The following FAM174B variants were observed in gnomAD, a reference collection of about 807,000 sequenced individuals.
The protein encoded by FAM174B is family with sequence similarity 174 member B.
In FAM174B, 12 loss-of-function variants were observed where a neutral mutation model predicts 10.9. The ratio of observed to expected loss-of-function variants is 1.10; its 90% CI spans 0.71 to 1.79. The LOEUF (loss-of-function observed/expected upper bound fraction) is 1.79, where lower values mean the gene tolerates loss of function less well. Among genes scored for constraint, FAM174B ranks in the 40% most tolerant of loss-of-function variants. The pLI, the probability that FAM174B is intolerant of heterozygous loss-of-function variation, is 0.00. For synonymous variants in FAM174B, 132 were observed against 115.8 expected, an observed-to-expected ratio of 1.14 and a Z score of -0.90; for missense variants, 266 against 233.3, an observed-to-expected ratio of 1.14 and a Z score of -0.91.
In FAM174B at chr15:92,655,753, G is replaced by A. The variant is rs1231940715; in HGVS notation, c.-94C>T. 8 of 1,087,252 alleles carry A rather than the reference G, an allele frequency of 7.4e-6. No homozygotes were observed. The Admixed American group carries it at 1.8e-4, about 25-fold the overall frequency. The allele number at this position is 1,087,252 out of a possible 1,614,324, so 67.4% of individuals were successfully genotyped here. ...GAGGCCTGCACCGGGGGATCCTGCG[G>A]CGGAGGCGGCTGCGCGGTGCTTGGC... On this transcript the variant is annotated 5_prime_UTR_variant, in exon 1 of 3. Transcript: ENST00000327355.
rs1491461435 is a variant in FAM174B, at chr15:92,631,166, A to AC, written c.345-822_345-821insG. ...TTACATATTATATTATATATTATAT[A>AC]ATAATTTATATATTATATTATATAT... On this transcript the variant is annotated intron_variant, in intron 1 of 2. Coordinates refer to ENST00000327355, the MANE Select transcript of FAM174B (RefSeq NM_207446.3). 1.7e-4 allele frequency among the ~76,000 whole-genome samples: 3 copies of AC among 17,846 alleles called. 1 individual carries two copies. The highest frequency in any genetic ancestry group is 4.9e-3 in the South Asian group (2 of 408). The allele number at this position is 17,846 out of a possible 152,430, so 11.7% of individuals were successfully genotyped here.
At chr15:92,646,374 C>T (rs2050927648) in intron 1 of FAM174B, among the ~76,000 whole-genome samples, 1 of 152,326 alleles carries the variant, frequency 6.6e-6, no homozygotes, top group South Asian at 2.1e-4. Flanking sequence ...TCCCCTTCCC[C>T]AGCTGCTCAT....
chr15:92,636,944 ACTT>A lies in FAM174B; in HGVS notation c.345-6602_345-6600del, dbSNP rs2050859988. Among the ~76,000 whole-genome samples, 3 of 152,146 alleles carry A rather than the reference ACTT, an allele frequency of 2.0e-5. No individual in the cohort carries two copies. In the South Asian group the frequency reaches 6.2e-4, roughly 32 times the overall value. ...TCATATTCCACACTAATCTGGACAC[ACTT>A]CTAACAAACCCTTCCTAAACTGTGA... On this transcript the variant is annotated intron_variant, in intron 1 of 2. Coordinates refer to ENST00000327355, the MANE Select transcript of FAM174B (RefSeq NM_207446.3).
chr15:92,635,475 C>T (rs2050849526), intron 1 of FAM174B, among the ~76,000 whole-genome samples: 1 of 151,896 alleles, frequency 6.6e-6, no homozygotes, highest in Non-Finnish European at 1.5e-5. Flanking sequence ...TGACAAGGGT[C>T]TTCGCGGATG....
At chr15:92,655,233 G>A in intron 1 of FAM174B, 83 bp downstream of exon 1, 1 of 1,439,878 alleles carries the variant, frequency 6.9e-7, no homozygotes, top group Non-Finnish European at 9.1e-7. Flanking sequence ...TGTGCGTGCA[G>A]GTGGGGCGGG....
intron 2 of FAM174B, among the ~76,000 whole-genome samples, chr15:92,621,637 A>T (rs1303769476): frequency 2.0e-5 from 3 of 151,626 alleles, no homozygotes; most frequent in East Asian, 3.9e-4. Context: ...GAGTATCTTC[A>T]TATTAGCCAC....
chr15:92,647,296 C>G (rs944574630), intron 1 of FAM174B, among the ~76,000 whole-genome samples: 1 of 152,224 alleles, frequency 6.6e-6, no homozygotes, highest in Non-Finnish European at 1.5e-5. Context: ...TCCTCCTCCT[C>G]CACCATGCCT....
rs1567044794 is a variant in FAM174B, at chr15:92,630,909, ATATTATATATTACG to A, written c.345-578_345-565del. Among the ~76,000 whole-genome samples the A allele has an allele frequency of 1.1e-4, 4 of 37,414 alleles. 2 individuals are homozygous for A. The Admixed American group carries it at 1.4e-3, about 14-fold the overall frequency. The allele number at this position is 37,414 out of a possible 152,430, so 24.5% of individuals were successfully genotyped here. A position where few individuals can be genotyped will look rare whatever the true frequency, so the allele number is the denominator to read the frequency against. ...TTACGTATTACATATTACATATTAT[ATATTATATATTACG>A]TATTACATATTACATATTATATATT... On this transcript the variant is annotated intron_variant, in intron 1 of 2. Coordinates refer to ENST00000327355, the MANE Select transcript of FAM174B (RefSeq NM_207446.3).
At chr15:92,626,406 A>AT (rs200850393) in intron 2 of FAM174B, among the ~76,000 whole-genome samples, 3 of 152,184 alleles carry the variant, frequency 2.0e-5, no homozygotes, top group East Asian at 1.9e-4. Flanking sequence ...CAGTTGCTGG[A>AT]TTTTTTTTAA....
chr15:92,646,702 G>A (rs1029995444), intron 1 of FAM174B, among the ~76,000 whole-genome samples: 7 of 152,122 alleles, frequency 4.6e-5, no homozygotes, highest in South Asian at 2.1e-4. Flanking sequence ...TGGAGGCTTC[G>A]CCTGCATAAT....
intron 1 of FAM174B, among the ~76,000 whole-genome samples, chr15:92,641,882 A>G (rs1274003362): frequency 6.6e-6 from 1 of 152,230 alleles, no homozygotes; most frequent in Non-Finnish European, 1.5e-5. Flanking sequence ...AGACACCCCC[A>G]TAGAATGGGA....
chr15:92,655,579 G>A lies in FAM174B; in HGVS notation c.81C>T (p.Ser27=). 2.3e-6 allele frequency: 3 copies of A among 1,316,570 alleles called. No homozygotes were observed. The highest frequency in any genetic ancestry group is 2.9e-6 in the Non-Finnish European group (3 of 1,034,972). 81.6% of individuals were successfully genotyped at this position (1,316,570 alleles called of 1,614,324 possible). A position where few individuals can be genotyped will look rare whatever the true frequency, so the allele number is the denominator to read the frequency against. Residue 27 remains serine, a synonymous_variant, in exon 1 of 3, where the codon AGC becomes AGT. Coordinates refer to ENST00000327355, the MANE Select transcript of FAM174B (RefSeq NM_207446.3). ...ALLAAPAARA[S]RAESVSAPWP... ...ACGGCGCGGAGACGGACTCGGCTCT[G>A]CTGGCGCGGGCGGCGGGAGCGGCCA...
In FAM174B at chr15:92,617,990, C is replaced by T. The variant is rs150930952; in HGVS notation, c.*1466G>A. ...TGCCTTCCTGGCAGGCGGAGGCTGC[C>T]GAGCTCCCATGCCCCTTCCCACATA... On this transcript the variant is annotated 3_prime_UTR_variant, in exon 3 of 3. Transcript: ENST00000327355. The T allele has an allele frequency of 2.1e-4, 71 of 331,858 alleles. No individual in the cohort carries two copies. The highest frequency in any genetic ancestry group is 1.2e-3 in the African/African-American group (59 of 47,278). The allele number at this position is 331,858 out of a possible 1,614,324, so 20.6% of individuals were successfully genotyped here.
In FAM174B at chr15:92,618,359, G is replaced by A. The variant is rs1406785312; in HGVS notation, c.*1097C>T. On this transcript the variant is annotated 3_prime_UTR_variant, in exon 3 of 3. Coordinates refer to ENST00000327355, the MANE Select transcript of FAM174B (RefSeq NM_207446.3). Reference sequence around the variant, plus strand: ...TCCAGAAGCCAGCAGCAGATCCCTGGGTCATGTCACAGGCAAGTCCTCACT... The same window carrying A: ...TCCAGAAGCCAGCAGCAGATCCCTGAGTCATGTCACAGGCAAGTCCTCACT... 6.6e-6 allele frequency: 1 copy of A among 152,620 alleles called. No individual in the cohort carries two copies. The highest frequency in any genetic ancestry group is 1.5e-5 in the Non-Finnish European group (1 of 68,318). 9.5% of individuals were successfully genotyped at this position (152,620 alleles called of 1,614,324 possible).
intron 2 of FAM174B, chr15:92,619,784 C>A (rs184787988): frequency 4.8e-6 from 2 of 420,586 alleles, no homozygotes; most frequent in Admixed American, 4.0e-5. Flanking sequence ...TCTTCTGTGA[C>A]AGTCCAGAGA....
At position 92,630,300 on chromosome 15, in the gene FAM174B, G is replaced by C. The variant is rs749502609; in HGVS notation, c.390C>G (p.Thr130=). Residue 130 remains threonine, a synonymous_variant, in exon 2 of 3, where the codon ACC becomes ACG. Coordinates refer to ENST00000327355, the MANE Select transcript of FAM174B (RefSeq NM_207446.3). The part of the protein sequence containing the change: ...LKKTRKYDII[T]TPAERVEMAP... ...CCATTTCCACTCGCTCTGCTGGAGTGGTGATGATATCATACTTGCGTGTCT... is the reference window on the plus strand; with the variant it reads ...CCATTTCCACTCGCTCTGCTGGAGTCGTGATGATATCATACTTGCGTGTCT... 6.2e-7 allele frequency: 1 copy of C among 1,613,646 alleles called. No homozygotes were observed.
At chr15:92,647,093 T>G (rs1441217011) in intron 1 of FAM174B, among the ~76,000 whole-genome samples, 1 of 152,140 alleles carries the variant, frequency 6.6e-6, no homozygotes, top group Non-Finnish European at 1.5e-5. Context: ...CTCATAGGAG[T>G]GAGGAAAACA....
Position 92,619,085 on chromosome 15 carries a change from T to A in FAM174B, c.*371A>T, listed in dbSNP as rs752154833. Reference sequence around the variant, plus strand: ...CATCCTTCAGGCTTGTTTTAGATTCTTGATCCTCCTGATCTCTTTTACTAT... The same window carrying A: ...CATCCTTCAGGCTTGTTTTAGATTCATGATCCTCCTGATCTCTTTTACTAT... On this transcript the variant is annotated 3_prime_UTR_variant, in exon 3 of 3. Coordinates refer to ENST00000327355, the MANE Select transcript of FAM174B (RefSeq NM_207446.3). 45 of 628,682 alleles carry A rather than the reference T, an allele frequency of 7.2e-5. No individual in the cohort carries two copies. The highest frequency in any genetic ancestry group is 3.8e-4 in the Admixed American group (15 of 39,096). The allele number at this position is 628,682 out of a possible 1,614,324, so 38.9% of individuals were successfully genotyped here.
intron 2 of FAM174B, chr15:92,619,771 ACTT>A (rs1349674244): frequency 1.1e-5 from 5 of 436,094 alleles, no homozygotes; most frequent in African/African-American, 2.0e-5. Flanking sequence ...GGGTTGGAAA[ACTT>A]CTTCTGTGAC....
Sources: gnomAD v4.1 joint callset for allele counts (sites outside exome capture counted in the v4.1 genomes callset) on GRCh38, gnomAD v4.1.1 for gene constraint, MANE v1.5 for transcripts, NCBI Gene and HGNC (gene_info 2026-07-23, HGNC 2026-07-21) for gene names.